The following PHC3 variants were observed in gnomAD, a reference collection of about 807,000 sequenced individuals.
The protein encoded by PHC3 is polyhomeotic-like protein 3.
In PHC3, 13 loss-of-function variants were observed where a neutral mutation model predicts 107.4. The observed-to-expected ratio is 0.12, with a 90% CI of 0.08 to 0.19. PHC3 has a LOEUF of 0.19. PHC3 is among the 10% of genes least tolerant of loss of function. The probability of loss-of-function intolerance (pLI) is 1.00; values close to 1 mark genes in which losing one functional copy is unlikely to be tolerated. For missense variants in PHC3, 992 were observed against 1,210.9 expected (o/e 0.82, Z 2.68); for synonymous variants, 456 against 427.4 (o/e 1.07, Z -0.83).
chr3:170,136,216 C>T (rs1470627873), intron 7 of PHC3: 2 of 544,088 alleles, frequency 3.7e-6, no homozygotes, highest in Admixed American at 3.8e-5. Context: ...TTTTAAAAAA[C>T]CTATTATATT....
intron 11 of PHC3, among the ~76,000 whole-genome samples, chr3:170,111,841 C>T (rs1197841456): frequency 6.6e-6 from 1 of 152,062 alleles, no homozygotes; most frequent in African/African-American, 2.4e-5. Context: ...TACCAGCATG[C>T]TATTTCGCTT....
chr3:170,132,453 T>C (rs1722411961), intron 7 of PHC3, among the ~76,000 whole-genome samples: 1 of 152,038 alleles, frequency 6.6e-6, no homozygotes, highest in Admixed American at 6.5e-5. Flanking sequence ...ACTCCCAATG[T>C]GTATTTGTAG....
chr3:170,169,215 C>T (rs1729210172), intron 4 of PHC3, among the ~76,000 whole-genome samples: 1 of 152,172 alleles, frequency 6.6e-6, no homozygotes, highest in South Asian at 2.1e-4. Context: ...CCCACTCCTA[C>T]TCTAAGCCCC....
intron 1 of PHC3, among the ~76,000 whole-genome samples, chr3:170,179,846 T>G (rs1731095503): frequency 6.6e-6 from 1 of 152,168 alleles, no homozygotes. Context: ...GTAGTTTTTG[T>G]CGGGCCAGAA....
At position 170,109,747 on chromosome 3, in the gene PHC3, A is replaced by G. The variant is rs569997626; in HGVS notation, c.2354-2801T>C. ...CCATAAGCTACTTTGATGAATCACA[A>G]TCTACTGGTTGGAGACTCTCATTAT... On this transcript the variant is annotated intron_variant, in intron 11 of 14. Coordinates refer to ENST00000495893, the MANE Select transcript of PHC3 (RefSeq NM_024947.4). Among the ~76,000 whole-genome samples the G allele has an allele frequency of 2.0e-5, 3 of 152,278 alleles. No individual in the cohort carries two copies. The South Asian group carries it at 6.2e-4, about 32-fold the overall frequency.
intron 6 of PHC3, among the ~76,000 whole-genome samples, chr3:170,138,259 C>T (rs1723449976): frequency 1.3e-5 from 2 of 152,080 alleles, no homozygotes; most frequent in African/African-American, 4.8e-5. Flanking sequence ...AACTTTTCAT[C>T]AGTTCTATTC....
chr3:170,091,906 T>TTCC lies in PHC3; in HGVS notation c.*5323_*5324insGGA, dbSNP rs750143983. Reference sequence around the variant, plus strand: ...CAAAGAAGGTAATCTAATTTTAAATTTATTTGAAGAAAGCTTATATAACTA... The same window carrying TTCC: ...CAAAGAAGGTAATCTAATTTTAAATTTCCTATTTGAAGAAAGCTTATATAACTA... On this transcript the variant is annotated 3_prime_UTR_variant, in exon 15 of 15. Coordinates refer to ENST00000495893, the MANE Select transcript of PHC3 (RefSeq NM_024947.4). The TTCC allele has an allele frequency of 6.6e-6, 1 of 152,216 alleles. No homozygotes were observed. Among genetic ancestry groups the TTCC allele is most frequent in the Non-Finnish European group, 1.5e-5 (1 of 68,036 alleles). The allele number at this position is 152,216 out of a possible 1,614,324, so 9.4% of individuals were successfully genotyped here.
At chr3:170,114,771 T>C (rs1275478958) in intron 10 of PHC3, among the ~76,000 whole-genome samples, 1 of 152,244 alleles carries the variant, frequency 6.6e-6, no homozygotes, top group East Asian at 1.9e-4. Context: ...GAACATCTTA[T>C]TCCTCAAGAA....
intron 14 of PHC3, among the ~76,000 whole-genome samples, chr3:170,098,806 A>C (rs369825668): frequency 6.6e-6 from 1 of 152,162 alleles, no homozygotes; most frequent in South Asian, 2.1e-4. Context: ...CAGACTTTGA[A>C]AAATTGACAT....
At chr3:170,122,068 C>T (rs951477388) in intron 9 of PHC3, among the ~76,000 whole-genome samples, 10 of 151,964 alleles carry the variant, frequency 6.6e-5, no homozygotes, top group East Asian at 1.9e-4. Context: ...GCCTGGGCAA[C>T]GGGATGAGAC....
intron 2 of PHC3, among the ~76,000 whole-genome samples, chr3:170,173,419 C>A (rs1729929410): frequency 6.6e-6 from 1 of 152,114 alleles, no homozygotes; most frequent in Non-Finnish European, 1.5e-5. Flanking sequence ...GTTGGCATAA[C>A]CTTTTTGGAT....
At chr3:170,124,473 C>G (rs1178051463) in intron 8 of PHC3, among the ~76,000 whole-genome samples, 1 of 152,134 alleles carries the variant, frequency 6.6e-6, no homozygotes, top group East Asian at 1.9e-4. Flanking sequence ...CCTTGACCTC[C>G]AAGCTCAGCC....
intron 14 of PHC3, among the ~76,000 whole-genome samples, chr3:170,100,037 T>C (rs1014227555): frequency 6.6e-6 from 1 of 152,174 alleles, no homozygotes; most frequent in Non-Finnish European, 1.5e-5. Context: ...GGCGGTAATT[T>C]TTCATTCTGT....
intron 9 of PHC3, among the ~76,000 whole-genome samples, chr3:170,122,248 A>T (rs1291166769): frequency 6.6e-6 from 1 of 152,130 alleles, no homozygotes; most frequent in African/African-American, 2.4e-5. Context: ...AAACAACCTT[A>T]AACTCAAATC....
At chr3:170,131,065 G>A (rs1445624887) in intron 7 of PHC3, among the ~76,000 whole-genome samples, 2 of 149,258 alleles carry the variant, frequency 1.3e-5, no homozygotes, top group African/African-American at 2.5e-5. Flanking sequence ...AAAATTTTTG[G>A]AATCCTTTAA....
rs570912153 is a variant in PHC3 at position 170,106,165 on chromosome 3, C to T, written c.2468+667G>A. Among the ~76,000 whole-genome samples the T allele has an allele frequency of 9.9e-5, 15 of 152,176 alleles. No homozygotes were observed. In the East Asian group the frequency reaches 2.1e-3, roughly 22 times the overall value. ...TGGTGGAGGATGCAGTGAGCCGAGA[C>T]GGCACCACTGCACTCCAGCCTGGGC... On this transcript the variant is annotated intron_variant, in intron 12 of 14. Transcript: ENST00000495893.
At chr3:170,119,050 AAAAAAG>A (rs1387144822) in intron 9 of PHC3, among the ~76,000 whole-genome samples, 1 of 151,384 alleles carries the variant, frequency 6.6e-6, no homozygotes, top group Admixed American at 6.6e-5. Context: ...AAAAAAAAAA[AAAAAAG>A]AAAAAGAAAA....
rs2421898 is a variant in PHC3, at chr3:170,098,201, T to C, written c.2834-817A>G. 7.2e-5 allele frequency among the ~76,000 whole-genome samples: 11 copies of C among 152,200 alleles called. 1 individual carries two copies. Among genetic ancestry groups the C allele is most frequent in the South Asian group, 6.2e-4 (3 of 4,816 alleles). Reference sequence around the variant, plus strand: ...TGTCTACCAAATTTTCACATCCAAATTACTCAATAAACTTACCCATTAAGG... The same window carrying C: ...TGTCTACCAAATTTTCACATCCAAACTACTCAATAAACTTACCCATTAAGG... On this transcript the variant is annotated intron_variant, in intron 14 of 14. Coordinates refer to ENST00000495893, the MANE Select transcript of PHC3 (RefSeq NM_024947.4).
chr3:170,156,556 A>C (rs1726930294), intron 4 of PHC3, among the ~76,000 whole-genome samples: 1 of 148,674 alleles, frequency 6.7e-6, no homozygotes, highest in Non-Finnish European at 1.5e-5. Context: ...CCGGACTTTT[A>C]AGTAGTAATA....
Sources: gnomAD v4.1 joint callset for allele counts (sites outside exome capture counted in the v4.1 genomes callset) on GRCh38, gnomAD v4.1.1 for gene constraint, MANE v1.5 for transcripts, NCBI Gene and HGNC (gene_info 2026-07-23, HGNC 2026-07-21) for gene names.